Variants in FNDC3A observed in about 807,000 individuals in gnomAD.
FNDC3A encodes fibronectin type-III domain-containing protein 3A.
FNDC3A carries 32 observed loss-of-function variants against 148.9 expected under a neutral mutation model. That is an observed-to-expected ratio of 0.21 (90% confidence interval 0.16 to 0.29). FNDC3A has a LOEUF of 0.29. FNDC3A is among the 10% of genes least tolerant of loss of function. FNDC3A has a pLI of 1.00. For synonymous variants in FNDC3A, 472 were observed against 473.6 expected (o/e 1.00, Z 0.04); for missense variants, 1,191 against 1,452.8 (o/e 0.82, Z 2.93).
At chr13:49,187,890 T>C (rs1885670512) in intron 16 of FNDC3A, among the ~76,000 whole-genome samples, 1 of 152,146 alleles carries the variant, frequency 6.6e-6, no homozygotes, top group Admixed American at 6.5e-5. Context: ...CATGTTCTTT[T>C]TGTTCTCATT....
At chr13:49,034,221 T>A (rs1874334305) in intron 2 of FNDC3A, among the ~76,000 whole-genome samples, 1 of 152,006 alleles carries the variant, frequency 6.6e-6, no homozygotes. Context: ...AAATTATAAA[T>A]CTGGAAATTT....
chr13:49,007,632 C>G (rs528387341), intron 2 of FNDC3A, among the ~76,000 whole-genome samples: 4 of 152,244 alleles, frequency 2.6e-5, no homozygotes, highest in African/African-American at 9.6e-5. Flanking sequence ...ATGATGCCAT[C>G]TCAAGACTTT....
At chr13:49,165,655 G>C (rs930272821) in intron 8 of FNDC3A, among the ~76,000 whole-genome samples, 1 of 152,194 alleles carries the variant, frequency 6.6e-6, no homozygotes, top group Admixed American at 6.5e-5. Flanking sequence ...GGGCCTCTAG[G>C]CAGCTTGCTC....
intron 2 of FNDC3A, among the ~76,000 whole-genome samples, chr13:49,036,774 A>T (rs1177514379): frequency 6.6e-6 from 1 of 152,204 alleles, no homozygotes; most frequent in African/African-American, 2.4e-5. Context: ...TTGCTTTAGG[A>T]TGGCAGAATC....
chr13:48,993,067 A>C (rs1951950852), intron 1 of FNDC3A, among the ~76,000 whole-genome samples: 1 of 152,196 alleles, frequency 6.6e-6, no homozygotes, highest in Non-Finnish European at 1.5e-5. Flanking sequence ...AAAATTCTTC[A>C]TTAAACTTGA....
intron 3 of FNDC3A, among the ~76,000 whole-genome samples, chr13:49,091,983 G>A (rs1426272781): frequency 6.6e-6 from 1 of 152,210 alleles, no homozygotes; most frequent in Non-Finnish European, 1.5e-5. Context: ...CCCAGTAACG[G>A]GCCAAGAGCT....
chr13:48,982,841 A>G (rs896070534), intron 1 of FNDC3A, among the ~76,000 whole-genome samples: 3 of 152,178 alleles, frequency 2.0e-5, no homozygotes, highest in Non-Finnish European at 2.9e-5. Context: ...TGAGTGTGCT[A>G]CTTTACCTGT....
intron 4 of FNDC3A, among the ~76,000 whole-genome samples, chr13:49,120,241 A>T (rs1593616942): frequency 6.6e-6 from 1 of 152,214 alleles, no homozygotes; most frequent in Non-Finnish European, 1.5e-5. Context: ...AACCAAACTA[A>T]GCTTCATAAG....
Position 49,191,280 on chromosome 13 carries a change from G to C in FNDC3A, c.2122G>C (p.Glu708Gln), listed in dbSNP as rs1252492337. Reference sequence around the variant, plus strand: ...GGAAATGTCTCCTATAGAAAAAGATGAACCTAGAGAAGTTTACCAAGGTTC... The same window carrying C: ...GGAAATGTCTCCTATAGAAAAAGATCAACCTAGAGAAGTTTACCAAGGTTC... Reference protein sequence around the residue: ...SVEMSPIEKDEPREVYQGSEV... With the variant: ...SVEMSPIEKDQPREVYQGSEV... Residue 708 changes from glutamate to glutamine, a missense_variant, in exon 19 of 26, where the codon GAA becomes CAA. Physicochemically the swap from Glu to Gln is conservative, Grantham distance 29 (BLOSUM62 2). Transcript: ENST00000492622. 5 of 1,613,382 alleles carry C rather than the reference G, an allele frequency of 3.1e-6. No individual in the cohort carries two copies. Among genetic ancestry groups the C allele is most frequent in the Non-Finnish European group, 4.2e-6 (5 of 1,179,816 alleles).
chr13:49,057,942 A>G (rs1876373665), intron 2 of FNDC3A, among the ~76,000 whole-genome samples: 1 of 152,064 alleles, frequency 6.6e-6, no homozygotes, highest in South Asian at 2.1e-4. Flanking sequence ...CTCCCCCCCA[A>G]AATTTATATG....
At chr13:49,122,423 C>G (rs545410386) in intron 4 of FNDC3A, among the ~76,000 whole-genome samples, 2 of 152,144 alleles carry the variant, frequency 1.3e-5, no homozygotes, top group African/African-American at 4.8e-5. Context: ...GAAGCATTAC[C>G]TTTGAAAACC....
At position 49,194,079 on chromosome 13, in the gene FNDC3A, C is replaced by T. The variant is rs563722342; in HGVS notation, c.2226+2695C>T. 3.9e-5 allele frequency among the ~76,000 whole-genome samples: 6 copies of T among 152,110 alleles called. No individual in the cohort carries two copies. In the East Asian group the frequency reaches 9.7e-4, roughly 25 times the overall value. On this transcript the variant is annotated intron_variant, in intron 19 of 25. Transcript: ENST00000492622. ...AGTTCGGGACCAGCCTGGCCAACAT[C>T]GGGAAACCCCATATCTACTAAAAAT...
chr13:49,200,785 ATAAAT>A (rs1279045284), intron 23 of FNDC3A, among the ~76,000 whole-genome samples: 9 of 152,108 alleles, frequency 5.9e-5, no homozygotes, highest in Non-Finnish European at 7.4e-5. Flanking sequence ...CACACATTTA[ATAAAT>A]TAAATCAATT....
chr13:49,175,182 A>G (rs1416915666), intron 12 of FNDC3A, among the ~76,000 whole-genome samples, 185 bp from the exon 13 acceptor site: 4 of 152,218 alleles, frequency 2.6e-5, no homozygotes, highest in Admixed American at 2.6e-4. Flanking sequence ...TTTTAATAGA[A>G]CACTAATTCA....
chr13:49,087,598 G>A (rs1878900009), intron 3 of FNDC3A, among the ~76,000 whole-genome samples: 1 of 152,028 alleles, frequency 6.6e-6, no homozygotes, highest in Admixed American at 6.5e-5. Flanking sequence ...TTAAAGACAA[G>A]AAAAATGAAT....
chr13:48,988,401 TAC>T (rs1198252094), intron 1 of FNDC3A, among the ~76,000 whole-genome samples: 5 of 152,206 alleles, frequency 3.3e-5, no homozygotes, highest in South Asian at 4.1e-4. Context: ...TGTTCATGAA[TAC>T]ACCTACTTTA....
intron 3 of FNDC3A, among the ~76,000 whole-genome samples, chr13:49,100,259 C>T (rs1593588766): frequency 1.3e-5 from 2 of 152,064 alleles, no homozygotes; most frequent in Non-Finnish European, 2.9e-5. Context: ...TAAAATATAT[C>T]AGTCAATAAA....
chr13:49,127,195 C>G (rs1018089610), intron 4 of FNDC3A, among the ~76,000 whole-genome samples: 21 of 152,198 alleles, frequency 1.4e-4, no homozygotes, highest in African/African-American at 5.1e-4. Flanking sequence ...TTTTTCTTTT[C>G]TCTCTTCTGT....
chr13:49,021,392 C>G (rs1437990511), intron 2 of FNDC3A, among the ~76,000 whole-genome samples: 2 of 152,316 alleles, frequency 1.3e-5, no homozygotes, highest in African/African-American at 4.8e-5. Context: ...TGAGTTAGGA[C>G]AAATCAAGAC....
Sources: gnomAD v4.1 joint callset for allele counts (sites outside exome capture counted in the v4.1 genomes callset) on GRCh38, gnomAD v4.1.1 for gene constraint, MANE v1.5 for transcripts, NCBI Gene and HGNC (gene_info 2026-07-23, HGNC 2026-07-21) for gene names.